GEMIN8: variants seen among roughly 807,000 people sequenced by gnomAD.
The protein encoded by GEMIN8 is gem nuclear organelle associated protein 8, also known as gem-associated protein 8.
For missense variants in GEMIN8, 185 were observed against 205.9 expected (o/e 0.90, Z 0.62); for synonymous variants, 80 against 78.5 (o/e 1.02, Z -0.10).
chrX:14,004,608 C>T (rs982216425), downstream of GEMIN8, among the ~76,000 whole-genome samples: 3 of 112,492 alleles, frequency 2.7e-5, no homozygotes, highest in Non-Finnish European at 5.6e-5. Flanking sequence ...CGCTCTGTTG[C>T]CCAGGCTGAC....
At chrX:13,993,289 C>T in the GEMIN8 span, among the ~76,000 whole-genome samples, 1 of 110,926 alleles carries the variant, frequency 9.0e-6, no homozygotes, top group Non-Finnish European at 1.9e-5. Context: ...ACTAATTGTT[C>T]TAGCCCAGGG....
chrX:14,014,186 C>T (rs16979384), intron 4 of GEMIN8: 12,588 of 749,527 alleles, frequency 0.017, 146 homozygotes, highest in African/African-American at 0.08. Context: ...CCCTCACTTT[C>T]CTAGGACTAG....
At chrX:14,015,116 G>A (rs1179046647) in intron 4 of GEMIN8, among the ~76,000 whole-genome samples, 1 of 111,396 alleles carries the variant, frequency 9.0e-6, no homozygotes. Flanking sequence ...TCAAAACATA[G>A]GTCATAAATA....
At chrX:14,019,944 C>T in intron 4 of GEMIN8, 134 bp downstream of exon 4, 1 of 404,429 alleles carries the variant, frequency 2.5e-6, no homozygotes, top group Non-Finnish European at 4.2e-6. Flanking sequence ...CATAGCTTTT[C>T]CAGGCTTAGG....
chrX:14,001,483 A>AT, the GEMIN8 span, among the ~76,000 whole-genome samples: 1 of 111,646 alleles, frequency 9.0e-6, no homozygotes, highest in African/African-American at 3.3e-5. Flanking sequence ...ACCATATCCC[A>AT]TAACACCTCC....
At chrX:14,023,468 C>T (rs1273777881) in intron 2 of GEMIN8, among the ~76,000 whole-genome samples, 3 of 110,277 alleles carry the variant, frequency 2.7e-5, no homozygotes, top group African/African-American at 9.9e-5. Context: ...CAACCTCCGC[C>T]TCCCAGGTTC....
intron 2 of GEMIN8, among the ~76,000 whole-genome samples, chrX:14,021,814 GTATATATATATATATATA>G (rs147147045): frequency 2.6e-5 from 2 of 78,285 alleles, no homozygotes; most frequent in African/African-American, 5.2e-5. Context: ...TAATGTGTGT[GTATATATATATATATATA>G]TATATATATA....
intron 4 of GEMIN8, 66 bp downstream of exon 4, chrX:14,020,012 A>T: frequency 1.7e-6 from 1 of 602,066 alleles, no homozygotes; most frequent in Admixed American, 3.1e-5. Flanking sequence ...TTTATATATT[A>T]GAGAAAAAAA....
At chrX:14,025,537 C>G (rs766112523) in intron 2 of GEMIN8, among the ~76,000 whole-genome samples, 1 of 111,293 alleles carries the variant, frequency 9.0e-6, no homozygotes, top group African/African-American at 3.3e-5. Flanking sequence ...AATCAGTAGA[C>G]GAACTTCACG....
chrX:14,021,965 CAT>C (rs202216701), intron 2 of GEMIN8, among the ~76,000 whole-genome samples: 2,799 of 97,405 alleles, frequency 0.029, 149 homozygotes, highest in African/African-American at 0.099. Context: ...TATGTATACA[CAT>C]ATATATGTGT....
At chrX:14,023,672 C>T (rs142441584) in intron 2 of GEMIN8, among the ~76,000 whole-genome samples, 3,860 of 111,930 alleles carry the variant, frequency 0.034, 75 homozygotes, top group African/African-American at 0.082. Context: ...CCACCGTGCC[C>T]GGCCCAGGTT....
chrX:14,010,119 C>T (rs1603186618), intron 4 of GEMIN8, among the ~76,000 whole-genome samples: 1 of 112,053 alleles, frequency 8.9e-6, no homozygotes, highest in Admixed American at 9.5e-5. Flanking sequence ...ATTTGACTTT[C>T]CACTTCATAG....
downstream of GEMIN8, among the ~76,000 whole-genome samples, chrX:14,006,058 T>C (rs1211933960): frequency 9.8e-6 from 1 of 101,787 alleles, no homozygotes; most frequent in African/African-American, 3.7e-5. Context: ...TTTTTTTTTT[T>C]CACTCTGTCA....
At chrX:14,015,986 G>A (rs1239696651) in intron 4 of GEMIN8, among the ~76,000 whole-genome samples, 1 of 90,912 alleles carries the variant, frequency 1.1e-5, no homozygotes, top group African/African-American at 4.4e-5. Flanking sequence ...ATTCATTACC[G>A]CTTGAAGAAC....
intron 4 of GEMIN8, among the ~76,000 whole-genome samples, chrX:14,014,779 G>C (rs897945667): frequency 4.5e-5 from 5 of 111,788 alleles, no homozygotes; most frequent in Non-Finnish European, 7.5e-5. Context: ...AACCACATCT[G>C]GGCATATGAA....
downstream of GEMIN8, among the ~76,000 whole-genome samples, chrX:14,005,986 T>A (rs1923141825): frequency 9.1e-6 from 1 of 110,445 alleles, no homozygotes; most frequent in South Asian, 3.9e-4. Context: ...GGCCATGTGA[T>A]CCTATCAGTG....
Position 14,008,398 on chromosome X carries a change from T to C in GEMIN8, c.*515A>G, listed in dbSNP as rs112240552. On this transcript the variant is annotated 3_prime_UTR_variant, in exon 5 of 5. Transcript: ENST00000680255. ...GTAGTCACAACACTGACCGTGTGGC[T>C]TGCAGTGCCAAAGATATTCACTCTC... The C allele has an allele frequency of 0.29, 33,150 of 114,147 alleles. 3,577 individuals are homozygous for C. The highest frequency in any genetic ancestry group is 0.33 in the South Asian group (906 of 2,750). The allele number at this position is 114,147 out of a possible 1,213,427, so 9.4% of individuals were successfully genotyped here. A position where few individuals can be genotyped will look rare whatever the true frequency, so the allele number is the denominator to read the frequency against.
rs201900895 is a variant in GEMIN8, at chrX:14,021,771, T to G, written c.-33-260A>C. On this transcript the variant is annotated intron_variant, in intron 2 of 4. Coordinates refer to ENST00000680255, the MANE Select transcript of GEMIN8 (RefSeq NM_001042479.2). ...ACTTATTTCCCTATAGGAAGTAAAG[T>G]CTATGAAAATGACCATATAAATATT... is the stretch of plus-strand genomic sequence containing the variant. Among the ~76,000 whole-genome samples the G allele has an allele frequency of 5.0e-5, 5 of 100,054 alleles. No homozygotes were observed. The East Asian group carries it at 1.3e-3, about 26-fold the overall frequency. The allele number at this position is 100,054 out of a possible 115,157, so 86.9% of individuals were successfully genotyped here.
Position 14,007,289 on chromosome X carries a change from TC to T in GEMIN8, c.*1623del. ...TAGAGAGAAACATGTCAATACTAAA[TC>T]TTTTCACCAGCCTTTGATGGATGTG... On this transcript the variant is annotated 3_prime_UTR_variant, in exon 5 of 5. Transcript: ENST00000680255. Among the ~76,000 whole-genome samples, 1 of 111,591 alleles carries T rather than the reference TC, an allele frequency of 9.0e-6. No individual in the cohort carries two copies. The highest frequency in any genetic ancestry group is 9.5e-5 in the Admixed American group (1 of 10,499).
Sources: gnomAD v4.1 joint callset for allele counts (sites outside exome capture counted in the v4.1 genomes callset) on GRCh38, gnomAD v4.1.1 for gene constraint, MANE v1.5 for transcripts, NCBI Gene and HGNC (gene_info 2026-07-23, HGNC 2026-07-21) for gene names.